CNTNAP2: variants seen among roughly 807,000 people sequenced by gnomAD.
CNTNAP2 encodes contactin associated protein 2, also known as contactin-associated protein-like 2.
CNTNAP2 carries 98 observed loss-of-function variants against 155.2 expected under a neutral mutation model. That is an observed-to-expected ratio of 0.63 (90% CI 0.54 to 0.75). The LOEUF is 0.75. Among genes scored for constraint, CNTNAP2 ranks in the 30% least tolerant of loss-of-function variants. The probability of loss-of-function intolerance (pLI) is 0.00; values close to 1 mark genes in which losing one functional copy is unlikely to be tolerated. For missense variants in CNTNAP2, 1,727 were observed against 1,688.1 expected, an observed-to-expected ratio of 1.02 and a Z score of -0.40; for synonymous variants, 651 against 631.2, an observed-to-expected ratio of 1.03 and a Z score of -0.47.
intron 11 of CNTNAP2, among the ~76,000 whole-genome samples, chr7:147,510,050 A>G (rs1584780645): frequency 6.6e-6 from 1 of 152,212 alleles, no homozygotes; most frequent in East Asian, 1.9e-4. Flanking sequence ...CTGATTCATA[A>G]GGTCTATAAT....
At chr7:147,991,070 C>A (rs921609687) in intron 15 of CNTNAP2, among the ~76,000 whole-genome samples, 2 of 152,144 alleles carry the variant, frequency 1.3e-5, no homozygotes, top group Non-Finnish European at 2.9e-5. Context: ...CTATGAATAA[C>A]AAACACTCCT....
chr7:148,410,565 C>CAAA (rs56258191), intron 23 of CNTNAP2, among the ~76,000 whole-genome samples: 1,673 of 112,526 alleles, frequency 0.015, 53 homozygotes, highest in East Asian at 0.03. Flanking sequence ...AGACCTTTCT[C>CAAA]AAAAAAAAAA....
At chr7:147,613,245 A>G (rs1057501721) in intron 12 of CNTNAP2, among the ~76,000 whole-genome samples, 1 of 152,142 alleles carries the variant, frequency 6.6e-6, no homozygotes, top group African/African-American at 2.4e-5. Context: ...TACTGTGAAG[A>G]TGTGCATCTC....
At chr7:147,597,410 C>G (rs570617190) in intron 12 of CNTNAP2, among the ~76,000 whole-genome samples, 1 of 152,244 alleles carries the variant, frequency 6.6e-6, no homozygotes, top group South Asian at 2.1e-4. Context: ...CCATGTTCAC[C>G]CTAAGGAGAT....
chr7:148,225,717 G>T (rs1035794468), intron 19 of CNTNAP2, among the ~76,000 whole-genome samples: 9 of 152,166 alleles, frequency 5.9e-5, no homozygotes, highest in African/African-American at 2.2e-4. Context: ...AAAGACACTG[G>T]TGGCTTGGTC....
chr7:146,239,394 A>G (rs1413832226), intron 1 of CNTNAP2, among the ~76,000 whole-genome samples: 2 of 152,208 alleles, frequency 1.3e-5, no homozygotes, highest in Non-Finnish European at 2.9e-5. Context: ...TAAAATACCA[A>G]CAGCTTTACA....
rs1025864522 is a variant in CNTNAP2 at position 147,228,054 on chromosome 7, G to A, written c.1349-72087G>A. Among the ~76,000 whole-genome samples the A allele has an allele frequency of 1.3e-3, 204 of 152,140 alleles. 5 individuals are homozygous for A. The highest frequency in any genetic ancestry group is 1.6e-4 in the Non-Finnish European group (11 of 68,028). On this transcript the variant is annotated intron_variant, in intron 8 of 23. Coordinates refer to ENST00000361727, the MANE Select transcript of CNTNAP2 (RefSeq NM_014141.6). ...TGTAAAGGCCTGCAAATAAAATCGT[G>A]TCAAGGAACAGTAGATGAACAAGTA...
At chr7:148,014,497 C>G (rs1802141308) in intron 15 of CNTNAP2, among the ~76,000 whole-genome samples, 1 of 152,082 alleles carries the variant, frequency 6.6e-6, no homozygotes, top group African/African-American at 2.4e-5. Context: ...TTTACCATAA[C>G]TTTGGCCAAT....
At chr7:147,248,316 G>C (rs1444943800) in intron 8 of CNTNAP2, among the ~76,000 whole-genome samples, 3 of 152,054 alleles carry the variant, frequency 2.0e-5, no homozygotes, top group African/African-American at 7.2e-5. Context: ...AAGAGACTGA[G>C]ACAATCTCTG....
chr7:147,240,292 T>A (rs1464401247), intron 8 of CNTNAP2, among the ~76,000 whole-genome samples: 1 of 152,178 alleles, frequency 6.6e-6, no homozygotes, highest in African/African-American at 2.4e-5. Flanking sequence ...GCCACCGCAC[T>A]CCAGCTTGGG....
chr7:146,338,637 G>A (rs1417882533), intron 1 of CNTNAP2, among the ~76,000 whole-genome samples: 1 of 151,988 alleles, frequency 6.6e-6, no homozygotes, highest in Non-Finnish European at 1.5e-5. Context: ...CTCAACATTT[G>A]CTCAGCTGGT....
intron 11 of CNTNAP2, among the ~76,000 whole-genome samples, chr7:147,507,585 C>T (rs1798930512): frequency 8.5e-6 from 1 of 117,614 alleles, no homozygotes; most frequent in South Asian, 2.7e-4. Context: ...TGGAGTCTCG[C>T]TCTGTCACCC....
intron 15 of CNTNAP2, among the ~76,000 whole-genome samples, chr7:147,998,353 C>T (rs948479335): frequency 1.3e-4 from 19 of 151,982 alleles, no homozygotes; most frequent in African/African-American, 3.9e-4. Context: ...CCTGGTGATC[C>T]GCCCACCTTG....
At chr7:147,217,445 G>A (rs112331703) in intron 8 of CNTNAP2, among the ~76,000 whole-genome samples, 2,962 of 151,886 alleles carry the variant, frequency 0.02, 47 homozygotes, top group Non-Finnish European at 0.032. Flanking sequence ...TTGATGTGAT[G>A]GATTACATTA....
chr7:147,125,727 A>G (rs1012835719), intron 6 of CNTNAP2, among the ~76,000 whole-genome samples: 1 of 152,196 alleles, frequency 6.6e-6, no homozygotes, highest in South Asian at 2.1e-4. Context: ...TGGTTGTGTG[A>G]CAGTGGACAA....
intron 4 of CNTNAP2, among the ~76,000 whole-genome samples, chr7:147,066,673 CA>C (rs1799785446): frequency 6.6e-6 from 1 of 152,076 alleles, no homozygotes; most frequent in African/African-American, 2.4e-5. Flanking sequence ...GGAGAATAGT[CA>C]AGATAAAAAA....
chr7:148,420,562 G>A lies in CNTNAP2; in HGVS notation c.*4946G>A, dbSNP rs184721905. On this transcript the variant is annotated 3_prime_UTR_variant, in exon 24 of 24. Transcript: ENST00000361727. ...ACAAGTTTATTTTCCAGATAAAATTGTGCTATAAGAACAGCTCTACCAAGA... is the reference window on the plus strand; with the variant it reads ...ACAAGTTTATTTTCCAGATAAAATTATGCTATAAGAACAGCTCTACCAAGA... 6.6e-5 allele frequency: 10 copies of A among 152,290 alleles called. No individual in the cohort carries two copies. The East Asian group carries it at 1.9e-3, about 29-fold the overall frequency. 9.4% of individuals were successfully genotyped at this position (152,290 alleles called of 1,614,324 possible). A position where few individuals can be genotyped will look rare whatever the true frequency, so the allele number is the denominator to read the frequency against.
intron 21 of CNTNAP2, among the ~76,000 whole-genome samples, chr7:148,270,088 T>A (rs1032061771): frequency 1.3e-5 from 2 of 152,198 alleles, no homozygotes; most frequent in African/African-American, 2.4e-5. Flanking sequence ...ATTCTCTGGT[T>A]CCTCTGTTTT....
intron 13 of CNTNAP2, among the ~76,000 whole-genome samples, chr7:147,711,573 C>T (rs1314193274): frequency 6.6e-6 from 1 of 152,150 alleles, no homozygotes; most frequent in Non-Finnish European, 1.5e-5. Flanking sequence ...GAGCATGTGG[C>T]AATCCAGACA....
Sources: allele counts gnomAD v4.1 joint callset (sites outside exome capture counted in the v4.1 genomes callset), GRCh38; gene constraint gnomAD v4.1.1; transcripts MANE v1.5; gene names NCBI Gene and HGNC (gene_info 2026-07-23, HGNC 2026-07-21).